Variants in TWIST2 observed in about 807,000 individuals in gnomAD.
TWIST2 encodes twist family bHLH transcription factor 2.
TWIST2 carries 1 observed loss-of-function variant against 11.6 expected under a neutral mutation model. The observed-to-expected ratio is 0.09, with a 90% confidence interval of 0.03 to 0.41. The LOEUF (loss-of-function observed/expected upper bound fraction) is 0.41. Ranked by LOEUF, TWIST2 falls within the 10% of genes least tolerant of loss-of-function variation. The pLI is 0.98. For synonymous variants in TWIST2, 87 were observed against 96.6 expected (o/e 0.90, Z 0.58); for missense variants, 168 against 226.4 (o/e 0.74, Z 1.66).
At chr2:238,903,447 GGGTCTA>G (rs1693303829) in intron 1 of TWIST2, among the ~76,000 whole-genome samples, 2 of 143,190 alleles carry the variant, frequency 1.4e-5, no homozygotes, top group African/African-American at 2.6e-5. Context: ...TGTGGGGTGT[GGGTCTA>G]ATGTGAGGTG....
intron 1 of TWIST2, among the ~76,000 whole-genome samples, chr2:238,898,408 C>T (rs1478121573): frequency 6.6e-6 from 1 of 152,272 alleles, no homozygotes; most frequent in African/African-American, 2.4e-5. Context: ...CCTGAGACTG[C>T]ATCTCTGAAA....
At chr2:238,904,460 G>GGTGT (rs1400553921) in intron 1 of TWIST2, among the ~76,000 whole-genome samples, 1 of 141,490 alleles carries the variant, frequency 7.1e-6, no homozygotes, top group South Asian at 2.3e-4. Flanking sequence ...GTGTGGGATG[G>GGTGT]GTGTGTGTGT....
At chr2:238,905,398 T>C (rs1693328274) in intron 1 of TWIST2, among the ~76,000 whole-genome samples, 1 of 152,056 alleles carries the variant, frequency 6.6e-6, no homozygotes. Flanking sequence ...GCCCCAGATG[T>C]TTTACATTTG....
rs112946292 is a variant in TWIST2 at position 238,884,133 on chromosome 2, ATCT to A, written c.*36-25705_*36-25703del. On this transcript the variant is annotated intron_variant, in intron 1 of 1. Transcript: ENST00000612363. ...ACCCCGAGTGCCTACTCAGCTGAAC[ATCT>A]TCTGGGAAACAATGGGGCCGGCACT... Among the ~76,000 whole-genome samples, 70 of 152,336 alleles carry A rather than the reference ATCT, an allele frequency of 4.6e-4. 1 individual carries two copies. Among genetic ancestry groups the A allele is most frequent in the African/African-American group, 1.4e-3 (60 of 41,586 alleles).
chr2:238,857,976 C>T lies in TWIST2; in HGVS notation c.*35+9243C>T, dbSNP rs140743414. On this transcript the variant is annotated intron_variant, in intron 1 of 1. Coordinates refer to ENST00000612363, the MANE Select transcript of TWIST2 (RefSeq NM_001271893.4). ...AACAACAAGCAAACCAACACCATTA[C>T]ATTGGGCAGATGACAGACTTTGTCC... Among the ~76,000 whole-genome samples the T allele has an allele frequency of 1.1e-3, 166 of 152,260 alleles. 4 individuals are homozygous for T. In the East Asian group the frequency reaches 0.03, roughly 28 times the overall value.
intron 1 of TWIST2, among the ~76,000 whole-genome samples, chr2:238,889,580 A>G (rs949224720): frequency 2.0e-5 from 3 of 152,200 alleles, no homozygotes; most frequent in Non-Finnish European, 4.4e-5. Context: ...CGCATGATAG[A>G]TATTTGTTGT....
chr2:238,848,381 C>T lies in TWIST2; in HGVS notation c.166C>T (p.Pro56Ser). The change falls in exon 1 of 2, where the codon CCC becomes TCC. Residue 56 changes from proline (P) to serine (S), a missense_variant. Physicochemically the swap from Pro to Ser is moderately conservative, Grantham distance 74. Around this residue, in one of 3 missense-constraint regions of TWIST2, gnomAD observed 83 missense variants for 92.7 expected, o/e 0.90. Coordinates refer to ENST00000612363, the MANE Select transcript of TWIST2 (RefSeq NM_001271893.4). ...TPGKRGKKGS[P>S]SAQSFEELQS... ...GGGCAAGCGCGGCAAGAAGGGCAGC[C>T]CCAGCGCGCAGTCCTTCGAGGAGCT... 1.3e-6 allele frequency: 2 copies of T among 1,535,132 alleles called. No individual in the cohort carries two copies. The highest frequency in any genetic ancestry group is 1.2e-5 in the South Asian group (1 of 84,014).
At chr2:238,850,518 T>C (rs1692223775) in intron 1 of TWIST2, among the ~76,000 whole-genome samples, 1 of 152,232 alleles carries the variant, frequency 6.6e-6, no homozygotes, top group Admixed American at 6.5e-5. Flanking sequence ...TCGTTAAGAC[T>C]GCCCTCCAGA....
intron 1 of TWIST2, among the ~76,000 whole-genome samples, chr2:238,881,863 G>A (rs1284591610): frequency 6.6e-6 from 1 of 152,158 alleles, no homozygotes; most frequent in Non-Finnish European, 1.5e-5. Flanking sequence ...TGAGGGAGGA[G>A]AAGGTGCCAC....
chr2:238,892,145 G>A (rs1693146133), intron 1 of TWIST2, among the ~76,000 whole-genome samples: 1 of 152,066 alleles, frequency 6.6e-6, no homozygotes, highest in Admixed American at 6.5e-5. Flanking sequence ...GGCTGAGCCA[G>A]GCAACCACCG....
At chr2:238,884,765 C>A (rs566687910) in intron 1 of TWIST2, among the ~76,000 whole-genome samples, 4 of 152,320 alleles carry the variant, frequency 2.6e-5, no homozygotes, top group African/African-American at 9.6e-5. Flanking sequence ...GCAGGCCTCC[C>A]GCAGGTCAGG....
intron 1 of TWIST2, among the ~76,000 whole-genome samples, chr2:238,884,177 T>C (rs1049798355): frequency 3.3e-5 from 5 of 152,172 alleles, no homozygotes; most frequent in Admixed American, 3.3e-4. Context: ...GCCAGTTCTT[T>C]AAGATGGGGT....
chr2:238,862,749 A>G (rs1269374894), intron 1 of TWIST2, among the ~76,000 whole-genome samples: 2 of 152,260 alleles, frequency 1.3e-5, no homozygotes, highest in African/African-American at 2.4e-5. Flanking sequence ...AAAGAAATTC[A>G]TATCAGCTTC....
intron 1 of TWIST2, among the ~76,000 whole-genome samples, chr2:238,857,868 C>A (rs1368215883): frequency 3.3e-5 from 5 of 152,114 alleles, no homozygotes; most frequent in African/African-American, 9.7e-5. Context: ...ACCCAGGAGG[C>A]AGAGGTTGCA....
chr2:238,848,144 ACCGCGGGCTTG>A lies in TWIST2; in HGVS notation c.-71_-61del. 1 of 1,142,544 alleles carries A rather than the reference ACCGCGGGCTTG, an allele frequency of 8.8e-7. No homozygotes were observed. The highest frequency in any genetic ancestry group is 1.1e-6 in the Non-Finnish European group (1 of 928,786). 70.8% of individuals were successfully genotyped at this position (1,142,544 alleles called of 1,614,324 possible). On this transcript the variant is annotated 5_prime_UTR_variant, in exon 1 of 2. Coordinates refer to ENST00000612363, the MANE Select transcript of TWIST2 (RefSeq NM_001271893.4). Reference sequence around the variant, plus strand: ...CAACTCCGAGAGCGTGTGCTCGGCGACCGCGGGCTTGGCCAGCGGCGCGCGCTCGGCGCCCC... The same window carrying A: ...CAACTCCGAGAGCGTGTGCTCGGCGAGCCAGCGGCGCGCGCTCGGCGCCCC...
chr2:238,878,581 C>G (rs1443160544), intron 1 of TWIST2, among the ~76,000 whole-genome samples: 1 of 152,228 alleles, frequency 6.6e-6, no homozygotes, highest in Non-Finnish European at 1.5e-5. Flanking sequence ...CTGTAGGGCT[C>G]TGGCATGGTG....
intron 1 of TWIST2, among the ~76,000 whole-genome samples, chr2:238,905,421 C>A (rs1021552153): frequency 6.6e-6 from 1 of 152,166 alleles, no homozygotes; most frequent in Non-Finnish European, 1.5e-5. Context: ...GCAGAGAACA[C>A]GGCCCATGTC....
intron 1 of TWIST2, among the ~76,000 whole-genome samples, chr2:238,858,580 G>T (rs1349102314): frequency 1.3e-5 from 2 of 152,136 alleles, no homozygotes; most frequent in Non-Finnish European, 2.9e-5. Flanking sequence ...GTTAAGCAGT[G>T]GAGAACACTT....
chr2:238,857,341 G>A lies in TWIST2; in HGVS notation c.*35+8608G>A, dbSNP rs148210354. Among the ~76,000 whole-genome samples the A allele has an allele frequency of 6.5e-3, 983 of 152,298 alleles. 7 individuals are homozygous for A. The highest frequency in any genetic ancestry group is 0.011 in the Non-Finnish European group (765 of 68,026). Reference sequence around the variant, plus strand: ...TATCAGCTCGTGCTGATGAATGTCTGAGCATGAGCCCAGCACGGCTCAGCA... The same window carrying A: ...TATCAGCTCGTGCTGATGAATGTCTAAGCATGAGCCCAGCACGGCTCAGCA... On this transcript the variant is annotated intron_variant, in intron 1 of 1. Transcript: ENST00000612363.
Sources: allele counts gnomAD v4.1 joint callset (sites outside exome capture counted in the v4.1 genomes callset), GRCh38; gene constraint gnomAD v4.1.1; regional missense constraint gnomAD v4.1.1; transcripts MANE v1.5; gene names NCBI Gene and HGNC (gene_info 2026-07-23, HGNC 2026-07-21).